Variants in HPSE2 observed in about 807,000 individuals in gnomAD.
HPSE2 encodes inactive heparanase-2.
A neutral mutation model predicts 60.5 loss-of-function variants in HPSE2; 38 were observed. The observed-to-expected ratio is 0.63, with a 90% CI of 0.48 to 0.82. HPSE2 has a LOEUF of 0.82. Ranked by LOEUF, HPSE2 falls within the 40% of genes least tolerant of loss-of-function variation. The pLI is 0.00. For missense variants in HPSE2, 713 were observed against 740.4 expected (o/e 0.96, Z 0.43); for synonymous variants, 295 against 293.2 (o/e 1.01, Z -0.06).
intron 2 of HPSE2, among the ~76,000 whole-genome samples, chr10:99,160,913 A>G (rs1452551515): frequency 6.6e-6 from 1 of 150,554 alleles, no homozygotes; most frequent in Non-Finnish European, 1.5e-5. Context: ...AAAAAAAAAA[A>G]AAAAAAAGAT....
intron 3 of HPSE2, among the ~76,000 whole-genome samples, chr10:99,036,351 T>C (rs1957609881): frequency 6.6e-6 from 1 of 152,202 alleles, no homozygotes; most frequent in African/African-American, 2.4e-5. Flanking sequence ...GCATCTTGTG[T>C]TGCTAGAAAG....
At chr10:98,601,730 G>A (rs1589487666) in intron 9 of HPSE2, among the ~76,000 whole-genome samples, 1 of 152,284 alleles carries the variant, frequency 6.6e-6, no homozygotes, top group East Asian at 1.9e-4. Context: ...TAGGCTTTTG[G>A]CCTGAACTCC....
chr10:98,515,228 C>T (rs530087406), intron 9 of HPSE2, among the ~76,000 whole-genome samples: 105 of 152,212 alleles, frequency 6.9e-4, no homozygotes, highest in Non-Finnish European at 1.1e-3. Context: ...CCATGGGTGC[C>T]GACATCTAGA....
chr10:98,956,143 T>A (rs1288813614), intron 3 of HPSE2, among the ~76,000 whole-genome samples: 1 of 152,146 alleles, frequency 6.6e-6, no homozygotes, highest in East Asian at 1.9e-4. Context: ...AAAAGTAATT[T>A]GTTATTGAGT....
intron 3 of HPSE2, among the ~76,000 whole-genome samples, chr10:99,012,890 AATAACT>A (rs1389010411): frequency 3.3e-5 from 5 of 152,220 alleles, no homozygotes; most frequent in African/African-American, 1.2e-4. Flanking sequence ...TCACAGCTTT[AATAACT>A]TACTTTGGAA....
chr10:98,899,991 C>T (rs1333891703), intron 3 of HPSE2, among the ~76,000 whole-genome samples: 1 of 152,020 alleles, frequency 6.6e-6, no homozygotes, highest in East Asian at 1.9e-4. Context: ...TCATGTTGGC[C>T]AGGCTGGTCT....
At chr10:99,280,484 C>A in the HPSE2 span, among the ~76,000 whole-genome samples, 6 of 152,148 alleles carry the variant, frequency 3.9e-5, no homozygotes, top group Admixed American at 3.9e-4. Context: ...CAAATATCAA[C>A]TGCCTAATGA....
chr10:98,617,456 T>C (rs1945943730), intron 8 of HPSE2, among the ~76,000 whole-genome samples: 1 of 152,196 alleles, frequency 6.6e-6, no homozygotes, highest in South Asian at 2.1e-4. Context: ...TTTTTACTAG[T>C]GTATAGGAAG....
intron 2 of HPSE2, among the ~76,000 whole-genome samples, chr10:99,227,941 C>A (rs1434406007): frequency 1.3e-5 from 2 of 148,660 alleles, no homozygotes. Flanking sequence ...CAAAACAAGG[C>A]AGAAGGAGCC....
intron 2 of HPSE2, among the ~76,000 whole-genome samples, chr10:99,217,552 T>C (rs1036559327): frequency 5.3e-5 from 8 of 150,740 alleles, no homozygotes; most frequent in East Asian, 2.0e-4. Context: ...ACCCTAGAGA[T>C]TGAATTGGCC....
intron 3 of HPSE2, among the ~76,000 whole-genome samples, chr10:99,073,174 GT>G (rs1221516212): frequency 2.0e-5 from 3 of 152,052 alleles, no homozygotes; most frequent in African/African-American, 4.8e-5. Flanking sequence ...ATGAAGGCAC[GT>G]GTATGTTCAT....
intron 7 of HPSE2, among the ~76,000 whole-genome samples, chr10:98,628,605 G>A (rs958362900): frequency 2.6e-5 from 4 of 152,168 alleles, no homozygotes; most frequent in Non-Finnish European, 5.9e-5. Context: ...CCTTTCAGCT[G>A]TTCTTCTGTT....
At chr10:99,288,880 C>T in the HPSE2 span, among the ~76,000 whole-genome samples, 132 of 151,886 alleles carry the variant, frequency 8.7e-4, no homozygotes, top group African/African-American at 3.1e-3. Flanking sequence ...ATTCTCAACC[C>T]TAAGGAAAAT....
chr10:98,738,580 GACAAAGGGCGAATATCCAGAATCT>G (rs1949415960), intron 4 of HPSE2, among the ~76,000 whole-genome samples: 1 of 152,084 alleles, frequency 6.6e-6, no homozygotes, highest in Non-Finnish European at 1.5e-5. Flanking sequence ...CTATCCATCT[GACAAAGGGCGAATATCCAGAATCT>G]ACAAAGAACT....
intron 3 of HPSE2, among the ~76,000 whole-genome samples, chr10:98,805,262 G>T (rs1446767036): frequency 6.6e-6 from 1 of 152,008 alleles, no homozygotes; most frequent in Non-Finnish European, 1.5e-5. Context: ...TCATCGCCAA[G>T]GTCTGATTTT....
At chr10:98,918,911 A>T (rs1954203497) in intron 3 of HPSE2, among the ~76,000 whole-genome samples, 1 of 152,200 alleles carries the variant, frequency 6.6e-6, no homozygotes, top group Non-Finnish European at 1.5e-5. Flanking sequence ...CAAAGAATGT[A>T]ACTCAATTTT....
At chr10:98,723,906 A>G (rs1948996490) in intron 4 of HPSE2, among the ~76,000 whole-genome samples, 1 of 152,082 alleles carries the variant, frequency 6.6e-6, no homozygotes, top group African/African-American at 2.4e-5. Context: ...TGATCTTTTC[A>G]AAAAACCAGC....
chr10:98,599,127 G>A (rs1417233690), intron 9 of HPSE2, among the ~76,000 whole-genome samples: 2 of 152,112 alleles, frequency 1.3e-5, no homozygotes, highest in Non-Finnish European at 2.9e-5. Flanking sequence ...CACAGAGATT[G>A]ACCTGAAGGA....
chr10:99,218,000 T>G (rs7084925), intron 2 of HPSE2, among the ~76,000 whole-genome samples: 150,200 of 152,108 alleles, frequency 0.99, 74,154 homozygotes, highest in East Asian at 1. Flanking sequence ...GCTGCCTCGT[T>G]GGGGTGTGAA....
Sources: allele counts gnomAD v4.1 joint callset (sites outside exome capture counted in the v4.1 genomes callset), GRCh38; gene constraint gnomAD v4.1.1; transcripts MANE v1.5; gene names NCBI Gene and HGNC (gene_info 2026-07-23, HGNC 2026-07-21).